SH3GL2: variants seen among roughly 807,000 people sequenced by gnomAD.
The protein encoded by SH3GL2 is SH3 domain containing GRB2 like 2, endophilin A1, also known as endophilin-A1.
Under a neutral mutation model 46.0 loss-of-function variants are expected in SH3GL2, and 24 were observed. The observed-to-expected ratio is 0.52, with a 90% CI of 0.38 to 0.73. The LOEUF is 0.73. Ranked by LOEUF, SH3GL2 falls within the 30% of genes least tolerant of loss-of-function variation. The pLI is 0.00. For missense variants in SH3GL2, 413 were observed against 424.2 expected (o/e 0.97, Z 0.23); for synonymous variants, 196 against 147.1 (o/e 1.33, Z -2.40).
At chr9:17,647,689 G>T (rs1819852849) in intron 1 of SH3GL2, among the ~76,000 whole-genome samples, 1 of 152,102 alleles carries the variant, frequency 6.6e-6, no homozygotes, top group Non-Finnish European at 1.5e-5. Context: ...CCACCGTAGA[G>T]GAGGGATTAT....
rs578146828 is a variant in SH3GL2, at chr9:17,663,166, A to G, written c.45+83879A>G. On this transcript the variant is annotated intron_variant, in intron 1 of 8. Transcript: ENST00000380607. ...TATTCCTCATTTTCTAGAGTAACTC[A>G]TCAAGTTCTTTTAAATAAATGTGTC... Among the ~76,000 whole-genome samples, 141 of 152,360 alleles carry G rather than the reference A, an allele frequency of 9.3e-4. 1 individual carries two copies. The Middle Eastern group carries it at 0.027, about 29-fold the overall frequency.
intron 1 of SH3GL2, among the ~76,000 whole-genome samples, chr9:17,724,760 T>C (rs532922427): frequency 6.6e-6 from 1 of 152,290 alleles, no homozygotes; most frequent in African/African-American, 2.4e-5. Context: ...TTACTAATTA[T>C]TTGAAGAATA....
chr9:17,770,886 T>C (rs1823459676), intron 3 of SH3GL2, among the ~76,000 whole-genome samples: 1 of 152,140 alleles, frequency 6.6e-6, no homozygotes, highest in Non-Finnish European at 1.5e-5. Context: ...CACGTGAGCC[T>C]GGATGCAGAC....
chr9:17,594,620 C>T (rs1818539162), intron 1 of SH3GL2, among the ~76,000 whole-genome samples: 1 of 151,950 alleles, frequency 6.6e-6, no homozygotes, highest in East Asian at 1.9e-4. Flanking sequence ...ACGTTCTGCA[C>T]ATGTATCCTG....
At chr9:17,609,368 CT>C (rs1563779717) in intron 1 of SH3GL2, among the ~76,000 whole-genome samples, 1 of 151,944 alleles carries the variant, frequency 6.6e-6, no homozygotes, top group East Asian at 1.9e-4. Flanking sequence ...CCATTGAGCA[CT>C]TTTTGGGTCA....
At chr9:17,628,053 T>A (rs147532772) in intron 1 of SH3GL2, among the ~76,000 whole-genome samples, 5 of 152,292 alleles carry the variant, frequency 3.3e-5, no homozygotes, top group African/African-American at 1.2e-4. Context: ...TGATTTCTCT[T>A]TTTTGCAGTG....
intron 1 of SH3GL2, among the ~76,000 whole-genome samples, chr9:17,637,734 A>G (rs948835596): frequency 1.3e-5 from 2 of 152,232 alleles, no homozygotes; most frequent in South Asian, 2.1e-4. Flanking sequence ...CATATTCAGA[A>G]CAACCTAAGT....
intron 1 of SH3GL2, among the ~76,000 whole-genome samples, chr9:17,676,556 A>T (rs10810824): frequency 1.8e-4 from 27 of 152,094 alleles, no homozygotes; most frequent in African/African-American, 5.5e-4. Flanking sequence ...CAATGAGCTG[A>T]GATTGCACCA....
chr9:17,653,334 A>T (rs1201567425), intron 1 of SH3GL2, among the ~76,000 whole-genome samples: 1 of 151,966 alleles, frequency 6.6e-6, no homozygotes, highest in African/African-American at 2.4e-5. Context: ...TTTCTTCAAT[A>T]CTTTCTCCCA....
At chr9:17,757,431 A>G (rs574598274) in intron 2 of SH3GL2, among the ~76,000 whole-genome samples, 2 of 152,282 alleles carry the variant, frequency 1.3e-5, no homozygotes, top group South Asian at 4.1e-4. Flanking sequence ...GCTAATATCC[A>G]GAATCTACAA....
At chr9:17,610,041 T>C (rs1818830438) in intron 1 of SH3GL2, among the ~76,000 whole-genome samples, 1 of 152,218 alleles carries the variant, frequency 6.6e-6, no homozygotes, top group Non-Finnish European at 1.5e-5. Flanking sequence ...TTTTCCTAAA[T>C]CGGTCAATGT....
intron 2 of SH3GL2, 80 bp from the exon 3 acceptor site, chr9:17,761,357 T>G: frequency 1.1e-6 from 1 of 876,254 alleles, no homozygotes; most frequent in Non-Finnish European, 2.0e-6. Flanking sequence ...TACCCCGCCA[T>G]TGTATACAGA....
rs546341889 is a variant in SH3GL2 at position 17,605,747 on chromosome 9, A to G, written c.45+26460A>G. On this transcript the variant is annotated intron_variant, in intron 1 of 8. Coordinates refer to ENST00000380607, the MANE Select transcript of SH3GL2 (RefSeq NM_003026.5). Reference sequence around the variant, plus strand: ...TAATAAACTGCATGTCATAAAATTCATGGTGTGAGATTTGTCATAGTCTAT... The same window carrying G: ...TAATAAACTGCATGTCATAAAATTCGTGGTGTGAGATTTGTCATAGTCTAT... Among the ~76,000 whole-genome samples the G allele has an allele frequency of 1.4e-4, 22 of 152,282 alleles. No homozygotes were observed. In the South Asian group the frequency reaches 4.4e-3, roughly 30 times the overall value.
intron 3 of SH3GL2, among the ~76,000 whole-genome samples, chr9:17,784,908 C>G (rs532316971): frequency 6.6e-6 from 1 of 152,112 alleles, no homozygotes; most frequent in Non-Finnish European, 1.5e-5. Flanking sequence ...GAAATGGGGT[C>G]TTGCTATGTT....
At chr9:17,631,839 C>T (rs1227056066) in intron 1 of SH3GL2, among the ~76,000 whole-genome samples, 1 of 152,192 alleles carries the variant, frequency 6.6e-6, no homozygotes, top group Non-Finnish European at 1.5e-5. Flanking sequence ...TTATTGATAA[C>T]TTCAGGCCTG....
chr9:17,753,267 T>C (rs150597753), intron 2 of SH3GL2, among the ~76,000 whole-genome samples: 1 of 152,300 alleles, frequency 6.6e-6, no homozygotes, highest in East Asian at 1.9e-4. Context: ...GTCTTTAGGA[T>C]TTTGAGGAAT....
chr9:17,771,549 A>G (rs1823482064), intron 3 of SH3GL2, among the ~76,000 whole-genome samples: 4 of 152,222 alleles, frequency 2.6e-5, no homozygotes, highest in Admixed American at 2.6e-4. Flanking sequence ...CTGAGAAAGC[A>G]AAGGCTGATG....
At chr9:17,670,830 T>G (rs1820456637) in intron 1 of SH3GL2, among the ~76,000 whole-genome samples, 2 of 152,244 alleles carry the variant, frequency 1.3e-5, no homozygotes, top group African/African-American at 4.8e-5. Context: ...CATCAGTGAT[T>G]CTCAAATGTT....
At chr9:17,766,328 C>G (rs1292766223) in intron 3 of SH3GL2, among the ~76,000 whole-genome samples, 2 of 152,224 alleles carry the variant, frequency 1.3e-5, no homozygotes, top group Non-Finnish European at 2.9e-5. Context: ...AACCAGTACA[C>G]ATTCCTAAAA....
Sources: gnomAD v4.1 joint callset for allele counts (sites outside exome capture counted in the v4.1 genomes callset) on GRCh38, gnomAD v4.1.1 for gene constraint, MANE v1.5 for transcripts, NCBI Gene and HGNC (gene_info 2026-07-23, HGNC 2026-07-21) for gene names.